BCR: variants seen among roughly 807,000 people sequenced by gnomAD.
BCR encodes the protein BCR activator of RhoGEF and GTPase.
In BCR, 58 loss-of-function variants were observed where a neutral mutation model predicts 138.6. That is an observed-to-expected ratio of 0.42 (90% confidence interval 0.34 to 0.52). The LOEUF (loss-of-function observed/expected upper bound fraction) is 0.52, where lower values mean the gene tolerates loss of function less well. BCR is among the 20% of genes least tolerant of loss of function. The pLI, the probability that BCR is intolerant of heterozygous loss-of-function variation, is 0.06. For synonymous variants in BCR, 786 were observed against 730.1 expected (o/e 1.08, Z -1.23); for missense variants, 1,599 against 1,727.2 (o/e 0.93, Z 1.32).
At chr22:23,296,499 T>C (rs979705524) in intron 16 of BCR, among the ~76,000 whole-genome samples, 1 of 152,158 alleles carries the variant, frequency 6.6e-6, no homozygotes, top group Non-Finnish European at 1.5e-5. Context: ...AGCAAATCTT[T>C]ACCAAGTGCT....
intron 1 of BCR, among the ~76,000 whole-genome samples, chr22:23,220,267 C>G (rs888460616): frequency 2.0e-5 from 3 of 152,208 alleles, no homozygotes; most frequent in Non-Finnish European, 4.4e-5. Context: ...TTTCACCTAC[C>G]GTCCATGGGA....
intron 16 of BCR, among the ~76,000 whole-genome samples, chr22:23,305,159 T>C (rs2073943978): frequency 6.7e-6 from 1 of 150,238 alleles, no homozygotes; most frequent in Admixed American, 6.6e-5. Flanking sequence ...GGAGAGCAGA[T>C]TGTGGTCATA....
chr22:23,230,441 T>C (rs2146242672), intron 1 of BCR, among the ~76,000 whole-genome samples: 1 of 152,324 alleles, frequency 6.6e-6, no homozygotes, highest in East Asian at 1.9e-4. Context: ...ACCCAGTAAC[T>C]TTCCTGCGGC....
chr22:23,189,781 T>C (rs927495235), intron 1 of BCR, among the ~76,000 whole-genome samples: 1 of 152,134 alleles, frequency 6.6e-6, no homozygotes, highest in Admixed American at 6.5e-5. Context: ...ATTATAGGCA[T>C]GAGCCACCGC....
chr22:23,233,789 C>CAAAAAAAAA (rs59819093), intron 1 of BCR, among the ~76,000 whole-genome samples: 8 of 70,068 alleles, frequency 1.1e-4, no homozygotes, highest in African/African-American at 3.5e-4. Context: ...GACCCTGTCT[C>CAAAAAAAAA]AAAAAAAAAA....
intron 21 of BCR, 52 bp from the exon 22 acceptor site, chr22:23,314,500 T>C (rs2074045197): frequency 4.4e-6 from 7 of 1,604,156 alleles, no homozygotes; most frequent in Non-Finnish European, 6.0e-6. Flanking sequence ...CCCCTCTGCC[T>C]CTCTCCTGGG....
intron 1 of BCR, among the ~76,000 whole-genome samples, chr22:23,192,378 C>G (rs1404974020): frequency 3.3e-5 from 5 of 152,182 alleles, no homozygotes; most frequent in African/African-American, 9.7e-5. Context: ...TGGAGGAGAC[C>G]TGGATCATTT....
rs2072251915 is a variant in BCR at position 23,181,253 on chromosome 22, A to T, written c.293A>T (p.Gln98Leu). The change falls in exon 1 of 23, where the codon CAG (glutamine) becomes CTG (leucine). Residue 98 changes from glutamine to leucine, a missense_variant. Around this residue, in one of 4 missense-constraint regions of BCR, gnomAD observed 806 missense variants for 635.0 expected, o/e 1.27. Coordinates refer to ENST00000305877, the MANE Select transcript of BCR (RefSeq NM_004327.4). ...CCCCGAGCGTCCGCGTCGCGCCCGC[A>T]GCCAGCGCCCGCCGACGGAGCCGAC... is the stretch of plus-strand genomic sequence containing the variant. ...SEPRASASRPQPAPADGADPP... is the reference protein window; with the variant it reads ...SEPRASASRPLPAPADGADPP... 14 of 1,245,582 alleles carry T rather than the reference A, an allele frequency of 1.1e-5. No individual in the cohort carries two copies. The highest frequency in any genetic ancestry group is 1.4e-5 in the Non-Finnish European group (14 of 988,136). The allele number at this position is 1,245,582 out of a possible 1,614,324, so 77.2% of individuals were successfully genotyped here.
Position 23,238,820 on chromosome 22 carries a change from G to A in BCR, c.1280-14979G>A, listed in dbSNP as rs562731500. On this transcript the variant is annotated intron_variant, in intron 1 of 22. Transcript: ENST00000305877. ...CCCAGAGCTATACCCCTCCAGGGCC[G>A]GTGGGAACACGAGTGGTTTTTGTGT... is the stretch of plus-strand genomic sequence containing the variant. Among the ~76,000 whole-genome samples the A allele has an allele frequency of 5.3e-5, 8 of 152,146 alleles. No homozygotes were observed. In the South Asian group the frequency reaches 1.5e-3, roughly 28 times the overall value.
At chr22:23,230,444 C>T (rs1414580215) in intron 1 of BCR, among the ~76,000 whole-genome samples, 1 of 152,242 alleles carries the variant, frequency 6.6e-6, no homozygotes, top group African/African-American at 2.4e-5. Context: ...CAGTAACTTT[C>T]CTGCGGCCCC....
chr22:23,278,880 G>A (rs112774125), intron 8 of BCR, among the ~76,000 whole-genome samples: 1 of 152,222 alleles, frequency 6.6e-6, no homozygotes, highest in Non-Finnish European at 1.5e-5. Context: ...AACAGAAGCT[G>A]TAAGTGCAAG....
intron 2 of BCR, among the ~76,000 whole-genome samples, chr22:23,254,357 G>T (rs191708323): frequency 6.6e-6 from 1 of 152,170 alleles, no homozygotes; most frequent in Non-Finnish European, 1.5e-5. Flanking sequence ...TTACCAAAGC[G>T]TGTGCTGAGG....
At chr22:23,254,044 T>C in intron 2 of BCR, 64 bp downstream of exon 2, 8 of 1,507,050 alleles carry the variant, frequency 5.3e-6, no homozygotes, top group Non-Finnish European at 7.1e-6. Flanking sequence ...CGCAGCCCCA[T>C]GCTCAGGGGT....
chr22:23,199,538 C>T lies in BCR; in HGVS notation c.1279+17299C>T, dbSNP rs140823762. Among the ~76,000 whole-genome samples the T allele has an allele frequency of 5.5e-4, 84 of 152,238 alleles. 3 individuals carry two copies. The East Asian group carries it at 9.5e-3, about 17-fold the overall frequency. ...TCTGCTGCTTTGGGCTGGGCAGCTG[C>T]GCCCCCAGAAAGCCAGCTAGGGGTC... On this transcript the variant is annotated intron_variant, in intron 1 of 22. Coordinates refer to ENST00000305877, the MANE Select transcript of BCR (RefSeq NM_004327.4).
At chr22:23,294,069 A>G (rs1223981067) in intron 15 of BCR, among the ~76,000 whole-genome samples, 1 of 152,172 alleles carries the variant, frequency 6.6e-6, no homozygotes, top group Non-Finnish European at 1.5e-5. Flanking sequence ...GTTTCCTTTT[A>G]GATATAATTC....
intron 1 of BCR, among the ~76,000 whole-genome samples, chr22:23,243,685 G>A (rs2073124214): frequency 6.8e-6 from 1 of 147,654 alleles, no homozygotes; most frequent in Non-Finnish European, 1.5e-5. Flanking sequence ...GCCTCGCTCT[G>A]TTGCCCAGGC....
intron 5 of BCR, 83 bp from the exon 6 acceptor site, chr22:23,271,449 G>A: frequency 7.0e-7 from 1 of 1,428,996 alleles, no homozygotes; most frequent in South Asian, 1.2e-5. Flanking sequence ...AGGGAAAGCT[G>A]AAATTGTTGC....
Position 23,181,364 on chromosome 22 carries a change from G to T in BCR, c.404G>T (p.Gly135Val), listed in dbSNP as rs765715389. ...AGGCCCGGGACCGCCCGCAGGCCCGGGGCAGCCGCGTCGGGGGAACGGGAC... is the reference window on the plus strand; with the variant it reads ...AGGCCCGGGACCGCCCGCAGGCCCGTGGCAGCCGCGTCGGGGGAACGGGAC... ...KARPGTARRP[G>V]AAASGERDDR... Residue 135 changes from glycine (G) to valine (V), a missense_variant, in exon 1 of 23, where the codon GGG becomes GTG. Physicochemically the swap from Gly to Val is moderately radical, Grantham distance 109. Transcript: ENST00000305877. The T allele has an allele frequency of 6.6e-7, 1 of 1,525,542 alleles. No homozygotes were observed. Among genetic ancestry groups the T allele is most frequent in the South Asian group, 1.3e-5 (1 of 78,888 alleles). The allele number at this position is 1,525,542 out of a possible 1,614,324, so 94.5% of individuals were successfully genotyped here.
At position 23,213,255 on chromosome 22, in the gene BCR, G is replaced by A. The variant is rs969326540; in HGVS notation, c.1279+31016G>A. On this transcript the variant is annotated intron_variant, in intron 1 of 22. Transcript: ENST00000305877. Reference sequence around the variant, plus strand: ...CTTGGTTGGGTACATCCAAGGCTCTGCCTGCCAGGGTAGGCACTGGCCAGG... The same window carrying A: ...CTTGGTTGGGTACATCCAAGGCTCTACCTGCCAGGGTAGGCACTGGCCAGG... Among the ~76,000 whole-genome samples, 4 of 152,322 alleles carry A rather than the reference G, an allele frequency of 2.6e-5. No homozygotes were observed. In the South Asian group the frequency reaches 8.3e-4, roughly 32 times the overall value.
Sources: allele counts gnomAD v4.1 joint callset (sites outside exome capture counted in the v4.1 genomes callset), GRCh38; gene constraint gnomAD v4.1.1; regional missense constraint gnomAD v4.1.1; transcripts MANE v1.5; gene names NCBI Gene and HGNC (gene_info 2026-07-23, HGNC 2026-07-21).